Variants in CDH13 observed in about 807,000 individuals in gnomAD.
CDH13 encodes the protein cadherin 13.
A neutral mutation model predicts 63.8 loss-of-function variants in CDH13; 24 were observed. The ratio of observed to expected loss-of-function variants is 0.38; its 90% CI spans 0.27 to 0.53. The LOEUF (loss-of-function observed/expected upper bound fraction) is 0.53, where lower values mean the gene tolerates loss of function less well. Ranked by LOEUF, CDH13 falls within the 20% of genes least tolerant of loss-of-function variation. CDH13 has a pLI of 0.85. For synonymous variants in CDH13, 503 were observed against 355.3 expected (o/e 1.42, Z -4.67); for missense variants, 1,049 against 903.1 (o/e 1.16, Z -2.07).
intron 7 of CDH13, among the ~76,000 whole-genome samples, chr16:83,596,427 G>A (rs1013929318): frequency 7.7e-6 from 1 of 130,026 alleles, no homozygotes; most frequent in Non-Finnish European, 1.5e-5. Flanking sequence ...GGAGTTACCT[G>A]TGAATTTAGT....
chr16:83,406,343 C>T (rs1597946714), intron 6 of CDH13, among the ~76,000 whole-genome samples: 1 of 152,266 alleles, frequency 6.6e-6, no homozygotes, highest in African/African-American at 2.4e-5. Flanking sequence ...CAAAAGCACG[C>T]CTACACTCAA....
chr16:83,059,079 A>T lies in CDH13; in HGVS notation c.366+26861A>T, dbSNP rs575603771. Among the ~76,000 whole-genome samples, 4 of 152,272 alleles carry T rather than the reference A, an allele frequency of 2.6e-5. No individual in the cohort carries two copies. The East Asian group carries it at 7.7e-4, about 29-fold the overall frequency. ...ACTTGATCTGAGAGGTGGTCCCAGG[A>T]AGCAGAAGTGAGTTCATGGGGACAT... is the stretch of plus-strand genomic sequence containing the variant. On this transcript the variant is annotated intron_variant, in intron 3 of 13. Coordinates refer to ENST00000567109, the MANE Select transcript of CDH13 (RefSeq NM_001257.5).
intron 11 of CDH13, among the ~76,000 whole-genome samples, chr16:83,750,168 C>T (rs1912962029): frequency 6.6e-6 from 1 of 151,966 alleles, no homozygotes. Context: ...TGGTGGCACA[C>T]ACATGTAGTC....
At chr16:83,627,185 G>C (rs1450781533) in intron 8 of CDH13, among the ~76,000 whole-genome samples, 1 of 151,994 alleles carries the variant, frequency 6.6e-6, no homozygotes, top group Non-Finnish European at 1.5e-5. Context: ...AGCTACTGGA[G>C]GGGCTGAGGC....
At chr16:82,689,262 A>C (rs1389252122) in intron 1 of CDH13, among the ~76,000 whole-genome samples, 1 of 151,872 alleles carries the variant, frequency 6.6e-6, no homozygotes, top group Non-Finnish European at 1.5e-5. Flanking sequence ...AAATGGGCCC[A>C]TACAGGTTCC....
chr16:82,682,741 G>C (rs1384759388), intron 1 of CDH13, among the ~76,000 whole-genome samples: 1 of 152,176 alleles, frequency 6.6e-6, no homozygotes, highest in African/African-American at 2.4e-5. Flanking sequence ...AATTAATTAG[G>C]AAACGGATGT....
intron 3 of CDH13, among the ~76,000 whole-genome samples, chr16:83,079,434 G>A (rs2033083812): frequency 6.6e-6 from 1 of 152,124 alleles, no homozygotes; most frequent in Non-Finnish European, 1.5e-5. Context: ...ATTTATCTGA[G>A]CTCAAGCTTG....
At chr16:82,836,783 G>A (rs1000966529) in intron 1 of CDH13, among the ~76,000 whole-genome samples, 2 of 150,162 alleles carry the variant, frequency 1.3e-5, no homozygotes, top group African/African-American at 2.5e-5. Flanking sequence ...GCAAGATGAG[G>A]TGAATTCATT....
At chr16:83,595,210 G>A (rs764324816) in intron 7 of CDH13, among the ~76,000 whole-genome samples, 1 of 152,222 alleles carries the variant, frequency 6.6e-6, no homozygotes, top group Non-Finnish European at 1.5e-5. Context: ...TTGAGCTGCA[G>A]TTCCGCAAAG....
chr16:83,264,669 C>T (rs536081366), intron 5 of CDH13, among the ~76,000 whole-genome samples: 1 of 151,288 alleles, frequency 6.6e-6, no homozygotes, highest in African/African-American at 2.4e-5. Flanking sequence ...CAAATCATAT[C>T]TATGGCTTGC....
chr16:82,772,010 A>T (rs2035288523), intron 1 of CDH13, among the ~76,000 whole-genome samples: 1 of 152,238 alleles, frequency 6.6e-6, no homozygotes, highest in South Asian at 2.1e-4. Context: ...ATGCTTCTGT[A>T]CTTCATGTGT....
intron 5 of CDH13, among the ~76,000 whole-genome samples, chr16:83,219,971 C>T (rs2039648131): frequency 6.6e-6 from 1 of 152,156 alleles, no homozygotes; most frequent in South Asian, 2.1e-4. Flanking sequence ...ATAACACCAG[C>T]ACAGGGTCAT....
intron 8 of CDH13, among the ~76,000 whole-genome samples, chr16:83,666,267 T>C (rs1913940406): frequency 6.6e-6 from 1 of 152,200 alleles, no homozygotes; most frequent in East Asian, 1.9e-4. Flanking sequence ...CTTTCTTGAA[T>C]TATATAATGG....
chr16:83,721,601 T>C lies in CDH13; in HGVS notation c.1539-26507T>C, dbSNP rs1219556275. The C allele has an allele frequency of 2.0e-5, 3 of 152,178 alleles. No homozygotes were observed. The East Asian group carries it at 5.8e-4, about 29-fold the overall frequency. The allele number at this position is 152,178 out of a possible 1,614,324, so 9.4% of individuals were successfully genotyped here. On this transcript the variant is annotated intron_variant, in intron 10 of 13. Coordinates refer to ENST00000567109, the MANE Select transcript of CDH13 (RefSeq NM_001257.5). ...GGACTCTTTGTGGCTGTCTGGTCGT[T>C]ATGTACACCACTTGGTCCTACCTCC...
rs926540870 is a variant in CDH13 at position 82,626,988 on chromosome 16, T to A, written c.-105T>A. 2.2e-6 allele frequency: 3 copies of A among 1,339,808 alleles called. No homozygotes were observed. Among genetic ancestry groups the A allele is most frequent in the African/African-American group, 2.9e-5 (2 of 68,906 alleles). 83.0% of individuals were successfully genotyped at this position (1,339,808 alleles called of 1,614,324 possible). ...TGATCTATTTGGGAAGTTGGCTGGCTGGCGAGGCAGAGCCTCTCCTCAAAG... is the reference window on the plus strand; with the variant it reads ...TGATCTATTTGGGAAGTTGGCTGGCAGGCGAGGCAGAGCCTCTCCTCAAAG... On this transcript the variant is annotated 5_prime_UTR_variant, in exon 1 of 14. Transcript: ENST00000567109.
intron 1 of CDH13, among the ~76,000 whole-genome samples, chr16:82,739,020 C>T (rs1395616267): frequency 2.0e-5 from 3 of 152,178 alleles, no homozygotes; most frequent in African/African-American, 2.4e-5. Context: ...GAGCAAGATA[C>T]GTTTTTTATT....
At chr16:83,124,799 A>G (rs1352535322) in intron 3 of CDH13, among the ~76,000 whole-genome samples, 1 of 152,034 alleles carries the variant, frequency 6.6e-6, no homozygotes, top group African/African-American at 2.4e-5. Context: ...TCCCTATCAT[A>G]TATTTTTGCC....
chr16:82,973,925 G>A (rs1909134201), intron 2 of CDH13, among the ~76,000 whole-genome samples: 1 of 151,992 alleles, frequency 6.6e-6, no homozygotes, highest in South Asian at 2.1e-4. Context: ...AGCATTTTTG[G>A]TTTTTGGTTT....
intron 6 of CDH13, among the ~76,000 whole-genome samples, chr16:83,414,051 A>T (rs1001819501): frequency 1.3e-5 from 2 of 152,160 alleles, no homozygotes; most frequent in Non-Finnish European, 2.9e-5. Flanking sequence ...TGAAAATTAG[A>T]CAATACTTGA....
Sources: gnomAD v4.1 joint callset for allele counts (sites outside exome capture counted in the v4.1 genomes callset) on GRCh38, gnomAD v4.1.1 for gene constraint, MANE v1.5 for transcripts, NCBI Gene and HGNC (gene_info 2026-07-23, HGNC 2026-07-21) for gene names.